Variants in SOCS6 observed in about 807,000 individuals in gnomAD.
The protein encoded by SOCS6 is suppressor of cytokine signaling 6.
Under a neutral mutation model 27.7 loss-of-function variants are expected in SOCS6, and 5 were observed. The observed-to-expected ratio is 0.18, with a 90% CI of 0.09 to 0.38. The LOEUF (loss-of-function observed/expected upper bound fraction) is 0.38. Among genes scored for constraint, SOCS6 ranks in the 10% least tolerant of loss-of-function variants. SOCS6 has a pLI of 1.00. For synonymous variants in SOCS6, 271 were observed against 260.0 expected (o/e 1.04, Z -0.41); for missense variants, 595 against 688.1 (o/e 0.86, Z 1.51).
intron 1 of SOCS6, among the ~76,000 whole-genome samples, chr18:70,299,179 A>C (rs1223637188): frequency 6.6e-6 from 1 of 152,098 alleles, no homozygotes; most frequent in Non-Finnish European, 1.5e-5. Flanking sequence ...CCCTACCCAG[A>C]GTAAGTACAG....
At chr18:70,305,917 A>T (rs1355372034) in intron 1 of SOCS6, among the ~76,000 whole-genome samples, 1 of 151,416 alleles carries the variant, frequency 6.6e-6, no homozygotes, top group African/African-American at 2.4e-5. Flanking sequence ...GTGTTGTGTG[A>T]GTTCCTTGGG....
chr18:70,326,209 T>C lies in SOCS6; in HGVS notation c.1541T>C (p.Ile514Thr). 6.2e-7 allele frequency: 1 copy of C among 1,613,972 alleles called. No homozygotes were observed. Among genetic ancestry groups the C allele is most frequent in the Non-Finnish European group, 8.5e-7 (1 of 1,179,824 alleles). ...TTTGTTATACGTCAGTATACCAGAA[T>C]AGACTTAATTCAGAAACTGCCTTTG... is the stretch of plus-strand genomic sequence containing the variant. ...CRFVIRQYTR[I>T]DLIQKLPLPN... Residue 514 changes from isoleucine to threonine, a missense_variant, in exon 2 of 2, where the codon ATA becomes ACA. By Grantham distance (89) the Ile-to-Thr change is moderately conservative. Coordinates refer to ENST00000397942, the MANE Select transcript of SOCS6 (RefSeq NM_004232.4).
intron 1 of SOCS6, among the ~76,000 whole-genome samples, chr18:70,293,644 A>T (rs1447778375): frequency 6.6e-6 from 1 of 152,206 alleles, no homozygotes; most frequent in Non-Finnish European, 1.5e-5. Context: ...CCTCCATGCT[A>T]ACTAAGGAAG....
chr18:70,308,458 G>C (rs1198625851), intron 1 of SOCS6, among the ~76,000 whole-genome samples: 2 of 151,314 alleles, frequency 1.3e-5, no homozygotes, highest in Non-Finnish European at 2.9e-5. Flanking sequence ...CTGGGCTCAT[G>C]TGATCCTCCT....
chr18:70,303,706 G>C (rs1301036973), intron 1 of SOCS6, among the ~76,000 whole-genome samples: 2 of 152,114 alleles, frequency 1.3e-5, no homozygotes, highest in Non-Finnish European at 2.9e-5. Flanking sequence ...CAGGAGAATC[G>C]CTTGAACCCG....
chr18:70,289,869 T>C (rs1179067654), intron 1 of SOCS6, among the ~76,000 whole-genome samples: 1 of 152,192 alleles, frequency 6.6e-6, no homozygotes, highest in Non-Finnish European at 1.5e-5. Context: ...CAACTTCAGG[T>C]ACACCCTTGT....
At chr18:70,323,505 A>G (rs1489450152) in intron 1 of SOCS6, among the ~76,000 whole-genome samples, 1 of 152,240 alleles carries the variant, frequency 6.6e-6, no homozygotes. Flanking sequence ...AGAGTAAGCA[A>G]TAATAATTCT....
chr18:70,313,513 A>T (rs1056191123), intron 1 of SOCS6, among the ~76,000 whole-genome samples: 36 of 152,192 alleles, frequency 2.4e-4, no homozygotes, highest in African/African-American at 8.7e-4. Flanking sequence ...TTAAAAATAA[A>T]TATTTATATA....
chr18:70,299,240 C>T (rs901787346), intron 1 of SOCS6, among the ~76,000 whole-genome samples: 2 of 152,184 alleles, frequency 1.3e-5, no homozygotes, highest in African/African-American at 2.4e-5. Flanking sequence ...TCCTCAGATG[C>T]CAGTCACAAG....
At chr18:70,290,540 A>G (rs73965325) in intron 1 of SOCS6, among the ~76,000 whole-genome samples, 70 of 152,264 alleles carry the variant, frequency 4.6e-4, no homozygotes, top group African/African-American at 1.6e-3. Context: ...ACGCGTGGAT[A>G]TGGTAAGGTC....
At chr18:70,304,118 A>G (rs1464630321) in intron 1 of SOCS6, among the ~76,000 whole-genome samples, 1 of 152,176 alleles carries the variant, frequency 6.6e-6, no homozygotes, top group Non-Finnish European at 1.5e-5. Context: ...AAGACAATAG[A>G]AGGGGCAGAT....
At chr18:70,306,465 G>A (rs2062369647) in intron 1 of SOCS6, among the ~76,000 whole-genome samples, 2 of 105,458 alleles carry the variant, frequency 1.9e-5, no homozygotes, top group Non-Finnish European at 1.7e-5. Flanking sequence ...CCTGGTGACA[G>A]AGACTCCATC....
chr18:70,318,390 G>C (rs143710418), intron 1 of SOCS6, among the ~76,000 whole-genome samples: 1 of 152,102 alleles, frequency 6.6e-6, no homozygotes, highest in Non-Finnish European at 1.5e-5. Flanking sequence ...CCATGCCCGG[G>C]AGCTGTCTTT....
At chr18:70,302,662 G>T (rs1251306678) in intron 1 of SOCS6, among the ~76,000 whole-genome samples, 1 of 152,096 alleles carries the variant, frequency 6.6e-6, no homozygotes, top group African/African-American at 2.4e-5. Context: ...AATATAAGCT[G>T]AGTAGGAAGG....
intron 1 of SOCS6, among the ~76,000 whole-genome samples, chr18:70,307,554 C>T (rs1279242557): frequency 6.6e-6 from 1 of 152,096 alleles, no homozygotes; most frequent in Non-Finnish European, 1.5e-5. Flanking sequence ...TCTCTGTTTC[C>T]TTTTGAGTCA....
chr18:70,291,906 A>G (rs1026161883), intron 1 of SOCS6, among the ~76,000 whole-genome samples: 1 of 152,230 alleles, frequency 6.6e-6, no homozygotes, highest in Non-Finnish European at 1.5e-5. Flanking sequence ...CAGCTGTTAA[A>G]AGAGGAACAA....
At chr18:70,313,059 C>T (rs959395919) in intron 1 of SOCS6, among the ~76,000 whole-genome samples, 4 of 152,242 alleles carry the variant, frequency 2.6e-5, no homozygotes, top group African/African-American at 7.2e-5. Flanking sequence ...GGATTACAGG[C>T]GTGAGCCACC....
At chr18:70,289,890 G>A (rs541118857) in intron 1 of SOCS6, among the ~76,000 whole-genome samples, 3 of 152,358 alleles carry the variant, frequency 2.0e-5, no homozygotes, top group Admixed American at 2.0e-4. Context: ...GGCTCACGGA[G>A]CAGAATTATG....
chr18:70,312,731 C>A (rs1028123253), intron 1 of SOCS6, among the ~76,000 whole-genome samples: 1 of 150,312 alleles, frequency 6.7e-6, no homozygotes, highest in Non-Finnish European at 1.5e-5. Flanking sequence ...CCACCACAAT[C>A]AAGATATAGA....
Sources: gnomAD v4.1 joint callset for allele counts (sites outside exome capture counted in the v4.1 genomes callset) on GRCh38, gnomAD v4.1.1 for gene constraint, MANE v1.5 for transcripts, NCBI Gene and HGNC (gene_info 2026-07-23, HGNC 2026-07-21) for gene names.